MTMR8: variants seen among roughly 807,000 people sequenced by gnomAD.
The protein encoded by MTMR8 is phosphatidylinositol-3,5-bisphosphate 3-phosphatase MTMR8.
Under a neutral mutation model 39.3 loss-of-function variants are expected in MTMR8, and 65 were observed. That is an observed-to-expected ratio of 1.65 (90% CI 1.35 to 2.03). The LOEUF is 2.03. Among genes scored for constraint, MTMR8 ranks in the 30% most tolerant of loss-of-function variants. The pLI, the probability that MTMR8 is intolerant of heterozygous loss-of-function variation, is 0.00. For missense variants in MTMR8, 777 were observed against 538.9 expected (o/e 1.44, Z -4.37); for synonymous variants, 245 against 185.2 (o/e 1.32, Z -2.62).
At chrX:64,327,838 T>C (rs1468134763) in intron 12 of MTMR8, among the ~76,000 whole-genome samples, 3 of 111,915 alleles carry the variant, frequency 2.7e-5, no homozygotes, top group Non-Finnish European at 5.6e-5. Context: ...GAGGAAATAC[T>C]ATTTTAGCAA....
intron 12 of MTMR8, among the ~76,000 whole-genome samples, chrX:64,318,632 T>G (rs1459861183): frequency 9.0e-6 from 1 of 111,133 alleles, no homozygotes; most frequent in Non-Finnish European, 1.9e-5. Context: ...TAGTTTTACT[T>G]AGTGGGGGGA....
At chrX:64,308,668 C>A (rs748411225) in intron 12 of MTMR8, among the ~76,000 whole-genome samples, 4 of 111,020 alleles carry the variant, frequency 3.6e-5, no homozygotes, top group Non-Finnish European at 7.5e-5. Context: ...ATTAATAATA[C>A]CATTTCTATA....
intron 1 of MTMR8, among the ~76,000 whole-genome samples, chrX:64,366,603 A>C (rs959835326): frequency 8.9e-6 from 1 of 112,214 alleles, no homozygotes; most frequent in Non-Finnish European, 1.9e-5. Flanking sequence ...ACACATTTAA[A>C]GCAGTGTGTA....
At chrX:64,289,514 G>A (rs1392294359) in intron 12 of MTMR8, among the ~76,000 whole-genome samples, 1 of 108,434 alleles carries the variant, frequency 9.2e-6, no homozygotes, top group East Asian at 2.9e-4. Flanking sequence ...GCACATGTAT[G>A]TAGTCCTAGC....
At chrX:64,295,743 G>A (rs956503250) in intron 12 of MTMR8, among the ~76,000 whole-genome samples, 2 of 110,847 alleles carry the variant, frequency 1.8e-5, no homozygotes, top group African/African-American at 6.5e-5. Context: ...AATGCAAATC[G>A]AAACCACGAG....
chrX:64,359,052 A>G (rs746616586), intron 2 of MTMR8, among the ~76,000 whole-genome samples: 1 of 111,271 alleles, frequency 9.0e-6, no homozygotes, highest in Admixed American at 9.6e-5. Flanking sequence ...TACGCTACAG[A>G]TGCTGCTGGT....
intron 1 of MTMR8, among the ~76,000 whole-genome samples, chrX:64,387,867 G>GA (rs746459234): frequency 4.6e-5 from 5 of 109,542 alleles, no homozygotes; most frequent in East Asian, 5.8e-4. Flanking sequence ...AGAGAAAGAT[G>GA]AAAAAAGAGA....
At chrX:64,388,181 A>G (rs1454386540) in intron 1 of MTMR8, among the ~76,000 whole-genome samples, 6 of 111,946 alleles carry the variant, frequency 5.4e-5, no homozygotes, top group African/African-American at 2.0e-4. Flanking sequence ...CACTGCAATA[A>G]TAAATAAAAG....
At chrX:64,370,069 CTAAG>C (rs942051943) in intron 1 of MTMR8, among the ~76,000 whole-genome samples, 2 of 110,607 alleles carry the variant, frequency 1.8e-5, no homozygotes, top group African/African-American at 3.3e-5. Flanking sequence ...AAAAAATGGG[CTAAG>C]TAATTAAATA....
intron 12 of MTMR8, among the ~76,000 whole-genome samples, chrX:64,285,809 GGGA>G (rs1227499386): frequency 1.8e-5 from 2 of 110,963 alleles, no homozygotes; most frequent in African/African-American, 3.3e-5. Context: ...CAGAATCTCT[GGGA>G]CACATTCAAA....
rs1156714950 is a variant in MTMR8 at position 64,367,089 on chromosome X, C to G, written c.25-7562G>C. On this transcript the variant is annotated intron_variant, in intron 1 of 13. Transcript: ENST00000374852. ...GTTGAATCTCTGAATAGACCAATAA[C>G]AAGCTCTGAAATTGAGGCAATAATT... Among the ~76,000 whole-genome samples the G allele has an allele frequency of 2.7e-5, 3 of 111,697 alleles. No individual in the cohort carries two copies. The East Asian group carries it at 8.4e-4, about 31-fold the overall frequency.
chrX:64,268,459 A>G lies in MTMR8; in HGVS notation c.*78T>C. The G allele has an allele frequency of 8.9e-7, 1 of 1,121,372 alleles. No homozygotes were observed. The highest frequency in any genetic ancestry group is 1.2e-6 in the Non-Finnish European group (1 of 845,055). 92.4% of individuals were successfully genotyped at this position (1,121,372 alleles called of 1,213,427 possible). On this transcript the variant is annotated 3_prime_UTR_variant, in exon 14 of 14. Transcript: ENST00000374852. Reference sequence around the variant, plus strand: ...CTTCACCCACTTAAACCAATTGGAAAAGCAGCATAGCCCTCTCTGGGACAA... The same window carrying G: ...CTTCACCCACTTAAACCAATTGGAAGAGCAGCATAGCCCTCTCTGGGACAA...
rs1028247604 is a variant in MTMR8, at chrX:64,326,244, C to T, written c.1481+2528G>A. Among the ~76,000 whole-genome samples the T allele has an allele frequency of 7.2e-5, 8 of 110,709 alleles. No individual in the cohort carries two copies. In the South Asian group the frequency reaches 2.3e-3, roughly 32 times the overall value. ...GTGGTTGCAGAGGTGGAAGAAAATC[C>T]ACATATAAATGGACTCACACATTTC... On this transcript the variant is annotated intron_variant, in intron 12 of 13. Transcript: ENST00000374852.
chrX:64,338,736 A>G (rs1923139530), intron 8 of MTMR8, among the ~76,000 whole-genome samples: 1 of 112,000 alleles, frequency 8.9e-6, no homozygotes, highest in Non-Finnish European at 1.9e-5. Context: ...ACCAGTTAGG[A>G]AGCTACTAAA....
intron 12 of MTMR8, among the ~76,000 whole-genome samples, chrX:64,276,384 T>A (rs149233435): frequency 9.0e-6 from 1 of 111,614 alleles, no homozygotes; most frequent in African/African-American, 3.3e-5. Context: ...GTTAGGGTGC[T>A]GATCTTAGAT....
chrX:64,385,088 G>A (rs1370684792), intron 1 of MTMR8, among the ~76,000 whole-genome samples: 1 of 112,076 alleles, frequency 8.9e-6, no homozygotes. Context: ...ACACTTTGCT[G>A]ATTAGAATTT....
At chrX:64,294,200 A>G (rs1921491558) in intron 12 of MTMR8, among the ~76,000 whole-genome samples, 1 of 112,158 alleles carries the variant, frequency 8.9e-6, no homozygotes, top group Non-Finnish European at 1.9e-5. Context: ...GAGCACTTCT[A>G]CTAGATATCA....
chrX:64,349,245 AG>A (rs773262986), intron 5 of MTMR8, among the ~76,000 whole-genome samples: 16 of 111,733 alleles, frequency 1.4e-4, no homozygotes, highest in Non-Finnish European at 2.8e-4. Flanking sequence ...CCAAATCAGA[AG>A]GGTGGTTTGT....
intron 5 of MTMR8, 129 bp from the exon 6 acceptor site, chrX:64,348,923 A>G (rs1923414073): frequency 1.4e-6 from 1 of 717,258 alleles, no homozygotes; most frequent in Non-Finnish European, 2.0e-6. Context: ...CAAAGCAAAG[A>G]GAAATGTGAC....
Sources: allele counts gnomAD v4.1 joint callset (sites outside exome capture counted in the v4.1 genomes callset), GRCh38; gene constraint gnomAD v4.1.1; transcripts MANE v1.5; gene names NCBI Gene and HGNC (gene_info 2026-07-23, HGNC 2026-07-21).